CCDC57: variants seen among roughly 807,000 people sequenced by gnomAD.
CCDC57 encodes the protein coiled-coil domain-containing protein 57.
A neutral mutation model predicts 118.9 loss-of-function variants in CCDC57; 118 were observed. The observed-to-expected ratio is 0.99, with a 90% CI of 0.86 to 1.16. The LOEUF (loss-of-function observed/expected upper bound fraction) is 1.16, where lower values mean the gene tolerates loss of function less well. CCDC57 is among the 50% of genes most tolerant of loss of function. CCDC57 has a pLI of 0.00. For missense variants in CCDC57, 1,300 were observed against 1,320.7 expected (o/e 0.98, Z 0.24); for synonymous variants, 527 against 532.9 (o/e 0.99, Z 0.15).
chr17:82,157,237 G>T, intron 15 of CCDC57: 1 of 170,642 alleles, frequency 5.9e-6, no homozygotes, highest in Non-Finnish European at 1.2e-5. Context: ...ACTCCCTCGG[G>T]GCCAAGGGCC....
intron 19 of CCDC57, among the ~76,000 whole-genome samples, chr17:82,115,952 C>T (rs1005248619): frequency 2.6e-5 from 4 of 151,180 alleles, no homozygotes; most frequent in Non-Finnish European, 5.9e-5. Flanking sequence ...TGCCTGCAAC[C>T]GTGCCAGGCT....
At chr17:82,174,985 C>G (rs562881655) in intron 11 of CCDC57, among the ~76,000 whole-genome samples, 33 of 152,332 alleles carry the variant, frequency 2.2e-4, no homozygotes, top group Admixed American at 6.5e-4. Flanking sequence ...TTCTCTAACT[C>G]GCCTGGGTAC....
At chr17:82,124,520 C>A (rs1016676823) in intron 19 of CCDC57, among the ~76,000 whole-genome samples, 1 of 152,140 alleles carries the variant, frequency 6.6e-6, no homozygotes, top group African/African-American at 2.4e-5. Flanking sequence ...AGGCCAGGCA[C>A]GGTGGCTCAT....
At chr17:82,186,020 A>T (rs1486340955) in intron 8 of CCDC57, among the ~76,000 whole-genome samples, 1 of 152,002 alleles carries the variant, frequency 6.6e-6, no homozygotes, top group Non-Finnish European at 1.5e-5. Flanking sequence ...CTTTGGGTAG[A>T]CATAGGGTCT....
At chr17:82,107,456 A>G (rs1308347504) in intron 19 of CCDC57, 1 of 470,112 alleles carries the variant, frequency 2.1e-6, no homozygotes. Context: ...GTTTGACTCC[A>G]GCTGCACGGC....
intron 2 of CCDC57, among the ~76,000 whole-genome samples, chr17:82,204,115 G>A (rs1354077651): frequency 4.6e-5 from 7 of 152,120 alleles, no homozygotes; most frequent in Non-Finnish European, 7.4e-5. Flanking sequence ...CTTCTCTGAC[G>A]AGGCTCTGGA....
exon 9 of CCDC57, chr17:82,183,812 G>C (rs2046502123): frequency 1.3e-6 from 2 of 1,593,246 alleles, no homozygotes; most frequent in Non-Finnish European, 1.7e-6. Context: ...CCTGTGCCTT[G>C]AGCTTCACCT....
At chr17:82,134,080 G>A (rs1568208446) in exon 17 of CCDC57, 2 of 1,412,508 alleles carry the variant, frequency 1.4e-6, no homozygotes, top group Non-Finnish European at 1.8e-6. Flanking sequence ...TACCTGAGAT[G>A]TAAAATGGGG....
intron 5 of CCDC57, 125 bp from the exon 5 acceptor site, chr17:82,194,264 A>C: frequency 9.9e-7 from 1 of 1,013,174 alleles, no homozygotes; most frequent in Non-Finnish European, 1.4e-6. Flanking sequence ...AAGAAGCAGT[A>C]AAACAGTGAG....
intron 19 of CCDC57, chr17:82,112,983 G>A (rs1406214537): frequency 2.0e-5 from 4 of 195,300 alleles, no homozygotes; most frequent in African/African-American, 7.1e-5. Context: ...AGTGCCAGCC[G>A]TTGTGTGGGC....
At chr17:82,194,596 C>T (rs995964737) in intron 5 of CCDC57, among the ~76,000 whole-genome samples, 1 of 152,146 alleles carries the variant, frequency 6.6e-6, no homozygotes, top group Non-Finnish European at 1.5e-5. Context: ...AGGTGTGAGC[C>T]ACCGTGCCCG....
At chr17:82,195,778 GGCTGAGAT>G (rs1023423511) in intron 4 of CCDC57, among the ~76,000 whole-genome samples, 2 of 152,070 alleles carry the variant, frequency 1.3e-5, no homozygotes, top group Non-Finnish European at 2.9e-5. Flanking sequence ...GTAACTAAAA[GGCTGAGAT>G]GCCGGCAGTA....
intron 19 of CCDC57, chr17:82,113,815 G>A: frequency 1.6e-6 from 1 of 621,102 alleles, no homozygotes; most frequent in Non-Finnish European, 2.9e-6. Flanking sequence ...CTATGGTGAT[G>A]TGCACCTGTA....
chr17:82,175,983 T>C (rs12603006), intron 11 of CCDC57, among the ~76,000 whole-genome samples: 65,393 of 152,036 alleles, frequency 0.43, 15,025 homozygotes, highest in East Asian at 0.88. Context: ...CCAAATTTGG[T>C]CAAGATCTAA....
chr17:82,104,043 C>T (rs768786303), intron 19 of CCDC57, among the ~76,000 whole-genome samples: 1 of 152,216 alleles, frequency 6.6e-6, no homozygotes, highest in Non-Finnish European at 1.5e-5. Context: ...GTCAGAGGCA[C>T]GGAGCTGGAT....
intron 16 of CCDC57, among the ~76,000 whole-genome samples, chr17:82,143,918 GTGAAACC>G (rs1287252202): frequency 6.8e-6 from 1 of 146,140 alleles, no homozygotes; most frequent in Non-Finnish European, 1.5e-5. Context: ...GGCCAACATG[GTGAAACC>G]TGTCTCTACT....
Position 82,193,975 on chromosome 17 carries a change from C to A in CCDC57, c.776+7G>T. On this transcript the variant is annotated splice_region_variant and intron_variant, in intron 6 of 19. Coordinates refer to ENST00000665763, the Ensembl canonical transcript of CCDC57. The stretch of plus-strand genomic sequence containing the variant: ...AGCACGCCTCGGGAGATGAAGGACT[C>A]GCGCACCGGGCGCGGCTCATGGCCT... The A allele has an allele frequency of 6.2e-7, 1 of 1,605,960 alleles. No individual in the cohort carries two copies. Among genetic ancestry groups the A allele is most frequent in the South Asian group, 1.1e-5 (1 of 90,864 alleles).
chr17:82,117,073 G>A (rs969558726), intron 19 of CCDC57, among the ~76,000 whole-genome samples: 3 of 152,216 alleles, frequency 2.0e-5, no homozygotes, highest in African/African-American at 4.8e-5. Context: ...GGCGAATTGG[G>A]CCAGGTGCGA....
Position 82,184,675 on chromosome 17 carries a change from A to G in CCDC57, c.1053-743T>C, listed in dbSNP as rs150726831. 6.7e-4 allele frequency among the ~76,000 whole-genome samples: 102 copies of G among 152,316 alleles called. 1 individual carries two copies. The highest frequency in any genetic ancestry group is 2.4e-3 in the African/African-American group (100 of 41,566). On this transcript the variant is annotated intron_variant, in intron 8 of 19. Coordinates refer to ENST00000665763, the Ensembl canonical transcript of CCDC57. ...ATGCTCCTGTGCTGATGAACTTCCAACTGACAGTGAGAAGCAGAGGGTGAG... is the reference window on the plus strand; with the variant it reads ...ATGCTCCTGTGCTGATGAACTTCCAGCTGACAGTGAGAAGCAGAGGGTGAG...
Sources: allele counts gnomAD v4.1 joint callset (sites outside exome capture counted in the v4.1 genomes callset), GRCh38; gene constraint gnomAD v4.1.1; transcripts MANE v1.5; gene names NCBI Gene and HGNC (gene_info 2026-07-23, HGNC 2026-07-21).